The following STON2 variants were observed in gnomAD, a reference collection of about 807,000 sequenced individuals.
The protein encoded by STON2 is stonin-2.
In STON2, 29 loss-of-function variants were observed where a neutral mutation model predicts 65.7. That is an observed-to-expected ratio of 0.44 (90% confidence interval 0.33 to 0.60). The LOEUF (loss-of-function observed/expected upper bound fraction) is 0.60, where lower values mean the gene tolerates loss of function less well. STON2 is among the 20% of genes least tolerant of loss of function. The pLI is 0.03. For missense variants in STON2, 1,054 were observed against 1,118.1 expected (o/e 0.94, Z 0.82); for synonymous variants, 404 against 414.2 (o/e 0.98, Z 0.30).
chr14:81,398,816 T>C (rs1240328222), intron 1 of STON2, among the ~76,000 whole-genome samples: 1 of 152,214 alleles, frequency 6.6e-6, no homozygotes, highest in African/African-American at 2.4e-5. Context: ...TACACAAATT[T>C]CAGCAATTAG....
chr14:81,343,011 C>T (rs576420338), intron 4 of STON2, among the ~76,000 whole-genome samples: 2 of 152,242 alleles, frequency 1.3e-5, no homozygotes, highest in Admixed American at 6.5e-5. Flanking sequence ...AAGTGGAGAC[C>T]ACATCTCAGG....
At chr14:81,361,787 A>T (rs1898503846) in intron 4 of STON2, among the ~76,000 whole-genome samples, 2 of 152,138 alleles carry the variant, frequency 1.3e-5, no homozygotes, top group South Asian at 4.1e-4. Flanking sequence ...AACTCAAACA[A>T]CTCTATAGAA....
chr14:81,345,321 C>T (rs1033775433), intron 4 of STON2, among the ~76,000 whole-genome samples: 1 of 152,054 alleles, frequency 6.6e-6, no homozygotes, highest in African/African-American at 2.4e-5. Flanking sequence ...GGGCCCTAAT[C>T]CAATATGTTG....
At chr14:81,395,611 T>C (rs1384878383) in intron 3 of STON2, 5 of 356,774 alleles carry the variant, frequency 1.4e-5, no homozygotes, top group South Asian at 4.2e-5. Context: ...CAATCCCTAA[T>C]AGAAAAATAT....
intron 5 of STON2, among the ~76,000 whole-genome samples, chr14:81,303,663 T>C (rs966299952): frequency 6.6e-6 from 1 of 152,186 alleles, no homozygotes; most frequent in African/African-American, 2.4e-5. Flanking sequence ...ATCAGGTACA[T>C]GAAATATTTT....
At chr14:81,306,203 A>T (rs1217124386) in intron 5 of STON2, among the ~76,000 whole-genome samples, 1 of 142,172 alleles carries the variant, frequency 7.0e-6, no homozygotes, top group Non-Finnish European at 1.5e-5. Context: ...TTTTATATAT[A>T]CACACACATA....
intron 4 of STON2, among the ~76,000 whole-genome samples, chr14:81,363,533 T>C (rs1409113670): frequency 6.6e-6 from 1 of 151,732 alleles, no homozygotes; most frequent in Non-Finnish European, 1.5e-5. Context: ...AGGATTAAAA[T>C]CTAAAATGCA....
chr14:81,415,059 G>A (rs757009964), intron 2 of STON2, among the ~76,000 whole-genome samples: 1 of 152,042 alleles, frequency 6.6e-6, no homozygotes, highest in Admixed American at 6.5e-5. Context: ...CTCCATGGCT[G>A]GTTGGGGACA....
intron 5 of STON2, among the ~76,000 whole-genome samples, chr14:81,319,135 A>G (rs1161998690): frequency 6.6e-6 from 1 of 152,172 alleles, no homozygotes; most frequent in Non-Finnish European, 1.5e-5. Context: ...CCCTCAAACC[A>G]CAGACACAGT....
intron 2 of STON2, among the ~76,000 whole-genome samples, chr14:81,408,165 A>ACACGCG (rs1217761341): frequency 1.4e-5 from 2 of 138,944 alleles, no homozygotes; most frequent in African/African-American, 5.6e-5. Context: ...ACACGCGCAC[A>ACACGCG]CACACACACA....
intron 2 of STON2, among the ~76,000 whole-genome samples, chr14:81,407,486 TA>T (rs1900925404): frequency 6.6e-6 from 1 of 152,240 alleles, no homozygotes; most frequent in African/African-American, 2.4e-5. Flanking sequence ...AAGAGGTTGT[TA>T]AATCTTTGGC....
At chr14:81,418,467 A>G (rs910309341) in intron 2 of STON2, among the ~76,000 whole-genome samples, 1 of 152,222 alleles carries the variant, frequency 6.6e-6, no homozygotes, top group African/African-American at 2.4e-5. Flanking sequence ...AATAAAGTAG[A>G]ACAGCTGAAC....
intron 4 of STON2, among the ~76,000 whole-genome samples, chr14:81,328,897 T>A (rs1325137468): frequency 6.6e-6 from 1 of 152,182 alleles, no homozygotes; most frequent in Non-Finnish European, 1.5e-5. Context: ...GGAAGCAGCC[T>A]GAGGCCTTCA....
At chr14:81,435,688 TGCACACACAC>T (rs1566959121) in intron 1 of STON2, among the ~76,000 whole-genome samples, 7 of 150,668 alleles carry the variant, frequency 4.6e-5, no homozygotes, top group Admixed American at 4.6e-4. Flanking sequence ...CACGCACGAA[TGCACACACAC>T]GCACACGCGC....
chr14:81,360,593 T>C (rs1898448565), intron 4 of STON2, among the ~76,000 whole-genome samples: 1 of 152,166 alleles, frequency 6.6e-6, no homozygotes. Flanking sequence ...AAACTGAAAC[T>C]CTTTTCCCTG....
chr14:81,276,848 CA>C, intron 6 of STON2, 52 bp downstream of exon 6: 2 of 1,556,064 alleles, frequency 1.3e-6, no homozygotes, highest in Non-Finnish European at 1.7e-6. Flanking sequence ...ACTTTGATCT[CA>C]GCTTTTTCAC....
At chr14:81,419,667 T>C (rs560840679) in intron 2 of STON2, among the ~76,000 whole-genome samples, 49 of 152,292 alleles carry the variant, frequency 3.2e-4, no homozygotes, top group African/African-American at 1.2e-3. Flanking sequence ...AGAGACCACC[T>C]GATGCATAGT....
At chr14:81,409,667 G>C (rs1272743344) in intron 2 of STON2, among the ~76,000 whole-genome samples, 1 of 152,086 alleles carries the variant, frequency 6.6e-6, no homozygotes, top group Non-Finnish European at 1.5e-5. Flanking sequence ...CTAGATCAAG[G>C]TCACAGAGCT....
rs1452139420 is a variant in STON2, at chr14:81,264,912, CT to C, written c.*3501del. 2.0e-6 allele frequency: 2 copies of C among 985,270 alleles called. No individual in the cohort carries two copies. The highest frequency in any genetic ancestry group is 2.4e-6 in the Non-Finnish European group (2 of 829,924). 61.0% of individuals were successfully genotyped at this position (985,270 alleles called of 1,614,324 possible). On this transcript the variant is annotated 3_prime_UTR_variant, in exon 8 of 8. Transcript: ENST00000614646. ...GACATGTCATGAGTACATTTCTTATCTTTTTGCTGTAAAGTCAAAAAGCAGG... is the reference window on the plus strand; with the variant it reads ...GACATGTCATGAGTACATTTCTTATCTTTTGCTGTAAAGTCAAAAAGCAGG...
Sources: gnomAD v4.1 joint callset for allele counts (sites outside exome capture counted in the v4.1 genomes callset) on GRCh38, gnomAD v4.1.1 for gene constraint, MANE v1.5 for transcripts, NCBI Gene and HGNC (gene_info 2026-07-23, HGNC 2026-07-21) for gene names.